The following CATSPERE variants were observed in gnomAD, a reference collection of about 807,000 sequenced individuals.
CATSPERE encodes cation channel sperm-associated auxiliary subunit epsilon.
CATSPERE carries 93 observed loss-of-function variants against 114.1 expected under a neutral mutation model. The ratio of observed to expected loss-of-function variants is 0.81; its 90% CI spans 0.69 to 0.97. The LOEUF (loss-of-function observed/expected upper bound fraction) is 0.97. Ranked by LOEUF, CATSPERE falls within the 50% of genes least tolerant of loss-of-function variation. CATSPERE has a pLI of 0.00. For synonymous variants in CATSPERE, 341 were observed against 384.1 expected, an observed-to-expected ratio of 0.89 and a Z score of 1.31; for missense variants, 1,058 against 1,131.6, an observed-to-expected ratio of 0.93 and a Z score of 0.93.
intron 19 of CATSPERE, 114 bp downstream of exon 19, chr1:244,610,440 A>G: frequency 1.3e-6 from 1 of 754,360 alleles, no homozygotes; most frequent in Non-Finnish European, 2.3e-6. Context: ...TGGTAAATCA[A>G]ATCCTATTTT....
chr1:244,489,251 A>G (rs958679326), intron 5 of CATSPERE, among the ~76,000 whole-genome samples: 8 of 152,164 alleles, frequency 5.3e-5, no homozygotes, highest in African/African-American at 1.9e-4. Context: ...GGTGTGAGCC[A>G]CCAGGCCCGG....
intron 4 of CATSPERE, among the ~76,000 whole-genome samples, chr1:244,478,697 T>C (rs557327812): frequency 6.6e-6 from 1 of 152,356 alleles, no homozygotes; most frequent in East Asian, 1.9e-4. Flanking sequence ...TGAAACATAT[T>C]TGAATTTGTC....
intron 6 of CATSPERE, among the ~76,000 whole-genome samples, chr1:244,491,058 T>C (rs1351484279): frequency 1.3e-5 from 2 of 152,066 alleles, no homozygotes; most frequent in Admixed American, 6.6e-5. Flanking sequence ...TTAACAAGGA[T>C]ACCCAGGAAT....
intron 19 of CATSPERE, among the ~76,000 whole-genome samples, chr1:244,617,191 T>C (rs1222652164): frequency 1.3e-5 from 2 of 152,232 alleles, no homozygotes; most frequent in Non-Finnish European, 2.9e-5. Flanking sequence ...ATCTTGACTG[T>C]TGTGTCTGTA....
intron 6 of CATSPERE, among the ~76,000 whole-genome samples, chr1:244,497,689 C>T (rs529694368): frequency 6.6e-6 from 1 of 152,068 alleles, no homozygotes; most frequent in Non-Finnish European, 1.5e-5. Context: ...CCCAGCTACT[C>T]GGGAAGCTGA....
At position 244,552,843 on chromosome 1, in the gene CATSPERE, A is replaced by G. The variant is rs183851262; in HGVS notation, c.1029+29A>G. On this transcript the variant is annotated intron_variant, in intron 9 of 21. Transcript: ENST00000366534. ...AGTAAAAGATATTTTATATTTTATAAATATATTTATATTTTACAAAGGTAT... is the reference window on the plus strand; with the variant it reads ...AGTAAAAGATATTTTATATTTTATAGATATATTTATATTTTACAAAGGTAT... 260 of 1,099,018 alleles carry G rather than the reference A, an allele frequency of 2.4e-4. 3 individuals are homozygous for G. In the African/African-American group the frequency reaches 3.6e-3, roughly 15 times the overall value. 68.1% of individuals were successfully genotyped at this position (1,099,018 alleles called of 1,614,324 possible). A position where few individuals can be genotyped will look rare whatever the true frequency, so the allele number is the denominator to read the frequency against.
At chr1:244,588,234 G>A (rs1362904709) in intron 13 of CATSPERE, among the ~76,000 whole-genome samples, 1 of 147,440 alleles carries the variant, frequency 6.8e-6, no homozygotes, top group African/African-American at 2.5e-5. Flanking sequence ...TCAATTCCCT[G>A]AGACACAAAT....
chr1:244,549,876 C>CT (rs1312949676), intron 8 of CATSPERE, among the ~76,000 whole-genome samples: 8 of 152,138 alleles, frequency 5.3e-5, no homozygotes, highest in Non-Finnish European at 7.3e-5. Flanking sequence ...AATTGGTAGA[C>CT]TGAGTAAAGA....
upstream of CATSPERE, among the ~76,000 whole-genome samples, chr1:244,452,926 G>A (rs1268905380): frequency 6.6e-6 from 1 of 152,032 alleles, no homozygotes; most frequent in Non-Finnish European, 1.5e-5. Flanking sequence ...AAGGTGCTTC[G>A]AAAAAAAGTG....
At chr1:244,487,619 G>T (rs1419912388) in intron 5 of CATSPERE, among the ~76,000 whole-genome samples, 2 of 152,286 alleles carry the variant, frequency 1.3e-5, no homozygotes, top group East Asian at 3.9e-4. Flanking sequence ...GCGTGCAGTT[G>T]CCCTACCCCG....
intron 19 of CATSPERE, among the ~76,000 whole-genome samples, chr1:244,612,560 A>G (rs1670878277): frequency 6.6e-6 from 1 of 152,214 alleles, no homozygotes; most frequent in African/African-American, 2.4e-5. Context: ...CTACATCCAC[A>G]CGATACAGAA....
chr1:244,585,065 A>G (rs1028672087), intron 13 of CATSPERE, among the ~76,000 whole-genome samples: 14 of 145,778 alleles, frequency 9.6e-5, no homozygotes, highest in African/African-American at 3.2e-4. Context: ...TCTCTAATCT[A>G]TAGAATTTTT....
intron 17 of CATSPERE, among the ~76,000 whole-genome samples, chr1:244,600,133 A>G (rs1204728868): frequency 1.3e-5 from 2 of 152,186 alleles, no homozygotes; most frequent in East Asian, 1.9e-4. Context: ...TGCATAAAAC[A>G]TAACAAAAAT....
intron 20 of CATSPERE, among the ~76,000 whole-genome samples, chr1:244,619,031 G>A (rs1671756288): frequency 6.6e-6 from 1 of 152,164 alleles, no homozygotes; most frequent in Non-Finnish European, 1.5e-5. Context: ...TAATGGGGTG[G>A]TTTTTCTGTG....
chr1:244,598,312 T>C (rs1668713948), intron 17 of CATSPERE: 1 of 152,488 alleles, frequency 6.6e-6, no homozygotes, highest in Non-Finnish European at 1.5e-5. Flanking sequence ...CCAACAAAAA[T>C]ATTCTGCCAG....
intron 5 of CATSPERE, among the ~76,000 whole-genome samples, chr1:244,489,450 ATTTTTTTTTT>A (rs10524749): frequency 0.013 from 1,150 of 85,590 alleles, 36 homozygotes; most frequent in African/African-American, 0.048. Flanking sequence ...AAGCATGCAG[ATTTTTTTTTT>A]TTTTTTTTTT....
chr1:244,578,171 G>C (rs917993956), intron 11 of CATSPERE, among the ~76,000 whole-genome samples: 10 of 152,126 alleles, frequency 6.6e-5, no homozygotes, highest in Admixed American at 2.0e-4. Flanking sequence ...GGTTTGTTTT[G>C]AGATGGAGTT....
In CATSPERE at chr1:244,490,112, T is replaced by C. The variant is rs138015230; in HGVS notation, c.327-335T>C. ...CAACAAGGACAAATGATGCTTTTTG[T>C]TAAAATCATATGAGGACTTTGAAAT... On this transcript the variant is annotated intron_variant, in intron 5 of 21. Transcript: ENST00000366534. 7.2e-4 allele frequency among the ~76,000 whole-genome samples: 110 copies of C among 152,314 alleles called. 1 individual carries two copies. The highest frequency in any genetic ancestry group is 2.5e-3 in the African/African-American group (104 of 41,572).
intron 21 of CATSPERE, among the ~76,000 whole-genome samples, chr1:244,639,594 G>A (rs1395133933): frequency 6.6e-6 from 1 of 151,908 alleles, no homozygotes; most frequent in Non-Finnish European, 1.5e-5. Context: ...GGAGGCTGAA[G>A]CAGGAGAATG....
Sources: gnomAD v4.1 joint callset for allele counts (sites outside exome capture counted in the v4.1 genomes callset) on GRCh38, gnomAD v4.1.1 for gene constraint, MANE v1.5 for transcripts, NCBI Gene and HGNC (gene_info 2026-07-23, HGNC 2026-07-21) for gene names.